Variants in HEPH observed in about 807,000 individuals in gnomAD.
The protein encoded by HEPH is hephaestin.
HEPH carries 69 observed loss-of-function variants against 80.8 expected under a neutral mutation model. The ratio of observed to expected loss-of-function variants is 0.85; its 90% CI spans 0.70 to 1.04. The LOEUF (loss-of-function observed/expected upper bound fraction) is 1.04, where lower values mean the gene tolerates loss of function less well. HEPH is among the 50% of genes least tolerant of loss of function. The pLI is 0.00. For missense variants in HEPH, 1,115 were observed against 891.3 expected, an observed-to-expected ratio of 1.25 and a Z score of -3.20; for synonymous variants, 431 against 322.8, an observed-to-expected ratio of 1.34 and a Z score of -3.60.
intron 19 of HEPH, among the ~76,000 whole-genome samples, chrX:66,262,410 A>T (rs1410125859): frequency 9.0e-6 from 1 of 111,583 alleles, no homozygotes; most frequent in Non-Finnish European, 1.9e-5. Context: ...CTTCTCTCTG[A>T]TGGAGCAAAT....
At chrX:66,194,465 G>A (rs974782420) in intron 8 of HEPH, among the ~76,000 whole-genome samples, 2 of 111,716 alleles carry the variant, frequency 1.8e-5, no homozygotes, top group African/African-American at 3.3e-5. Flanking sequence ...AGTTAGAGCC[G>A]GAATAAGTGC....
At chrX:66,169,705 C>T (rs1481801686) in intron 1 of HEPH, among the ~76,000 whole-genome samples, 1 of 112,129 alleles carries the variant, frequency 8.9e-6, no homozygotes, top group African/African-American at 3.2e-5. Flanking sequence ...GTGTTTATAG[C>T]TCAATGTATT....
chrX:66,190,414 A>G (rs976783730), intron 6 of HEPH, among the ~76,000 whole-genome samples: 6 of 111,409 alleles, frequency 5.4e-5, no homozygotes, highest in Non-Finnish European at 1.1e-4. Context: ...AAAGGGAGAA[A>G]CATTAATGTC....
upstream of HEPH, chrX:66,162,958 T>C (rs960009502): frequency 2.3e-6 from 2 of 874,296 alleles, no homozygotes; most frequent in Admixed American, 3.7e-5. Context: ...CAGTCCTTTT[T>C]AGAGAGGCAT....
At chrX:66,163,144 T>C (rs918248398), upstream of HEPH, among the ~76,000 whole-genome samples, 1 of 111,554 alleles carries the variant, frequency 9.0e-6, no homozygotes, top group African/African-American at 3.3e-5. Flanking sequence ...AAGACCCTCA[T>C]TGTAGAAATA....
Position 66,194,181 on chromosome X carries a change from A to G in HEPH, c.1369+543A>G, listed in dbSNP as rs762384031. On this transcript the variant is annotated intron_variant, in intron 8 of 20. Coordinates refer to ENST00000343002, the MANE Select transcript of HEPH (RefSeq NM_001367233.3). The stretch of plus-strand genomic sequence containing the variant: ...ATGGAACCAGAAAATAAAATAGGCC[A>G]GATGGAAAAAAAACTTTGGAAATTA... Among the ~76,000 whole-genome samples the G allele has an allele frequency of 3.6e-5, 4 of 111,795 alleles. No homozygotes were observed. In the South Asian group the frequency reaches 1.1e-3, roughly 32 times the overall value.
intron 4 of HEPH, among the ~76,000 whole-genome samples, chrX:66,175,048 G>T (rs2086743593): frequency 9.0e-6 from 1 of 111,413 alleles, no homozygotes; most frequent in African/African-American, 3.3e-5. Flanking sequence ...TGTTTTGATT[G>T]CATTTGCCTT....
rs774603036 is a variant in HEPH at position 66,209,977 on chromosome X, A to T, written c.2563+1731A>T. Among the ~76,000 whole-genome samples, 5 of 111,664 alleles carry T rather than the reference A, an allele frequency of 4.5e-5. No homozygotes were observed. The South Asian group carries it at 1.9e-3, about 43-fold the overall frequency. On this transcript the variant is annotated intron_variant, in intron 15 of 20. Coordinates refer to ENST00000343002, the MANE Select transcript of HEPH (RefSeq NM_001367233.3). ...TATGCTCTGAAGGAATAGATGTGGG[A>T]AGCATCAACATCTAGATAGTGGTTA...
intron 15 of HEPH, among the ~76,000 whole-genome samples, chrX:66,249,433 A>T (rs899687484): frequency 1.8e-5 from 2 of 111,783 alleles, no homozygotes; most frequent in Admixed American, 1.9e-4. Context: ...AGTTGAATTC[A>T]GTTGTTGAGA....
intron 17 of HEPH, among the ~76,000 whole-genome samples, chrX:66,258,507 A>G (rs1331739031): frequency 8.9e-6 from 1 of 111,970 alleles, no homozygotes; most frequent in Non-Finnish European, 1.9e-5. Flanking sequence ...AGATGAGTCT[A>G]GGAAGGTGGT....
intron 15 of HEPH, among the ~76,000 whole-genome samples, chrX:66,246,436 C>T (rs1220011008): frequency 9.0e-6 from 1 of 111,383 alleles, no homozygotes; most frequent in East Asian, 2.8e-4. Context: ...AATCTTACTC[C>T]TTCTAGGCAC....
At chrX:66,163,153 T>A (rs776788395), upstream of HEPH, among the ~76,000 whole-genome samples, 2 of 111,248 alleles carry the variant, frequency 1.8e-5, no homozygotes, top group Admixed American at 1.9e-4. Flanking sequence ...ATTGTAGAAA[T>A]AGAAAGAGGC....
intron 4 of HEPH, among the ~76,000 whole-genome samples, chrX:66,179,954 C>CT (rs2087014771): frequency 9.0e-6 from 1 of 111,060 alleles, no homozygotes; most frequent in Admixed American, 9.7e-5. Flanking sequence ...CACCCCTTGA[C>CT]TTTAAGTTTA....
intron 15 of HEPH, among the ~76,000 whole-genome samples, chrX:66,228,046 T>C (rs1312786768): frequency 9.0e-6 from 1 of 111,673 alleles, no homozygotes; most frequent in African/African-American, 3.3e-5. Flanking sequence ...TACCTGAGAC[T>C]GGACAATTTA....
At chrX:66,245,143 T>C (rs2090753802) in intron 15 of HEPH, among the ~76,000 whole-genome samples, 1 of 111,112 alleles carries the variant, frequency 9.0e-6, no homozygotes, top group Non-Finnish European at 1.9e-5. Context: ...TCACCTTAAA[T>C]GTAAATGGGC....
At chrX:66,267,628 G>C (rs1218266249), downstream of HEPH, 1 of 111,559 alleles carries the variant, frequency 9.0e-6, no homozygotes, top group Non-Finnish European at 1.9e-5. Flanking sequence ...AAGAAAATTT[G>C]CCAGAGGGAA....
At chrX:66,236,876 A>G (rs191846692) in intron 15 of HEPH, among the ~76,000 whole-genome samples, 1 of 111,096 alleles carries the variant, frequency 9.0e-6, no homozygotes, top group African/African-American at 3.3e-5. Context: ...AAATTTATCA[A>G]TTTCCTCTAG....
chrX:66,190,030 A>G, intron 6 of HEPH, 92 bp downstream of exon 6: 1 of 931,256 alleles, frequency 1.1e-6, no homozygotes, highest in Non-Finnish European at 1.5e-6. Flanking sequence ...GCCATAAATA[A>G]GTCCTCCAGT....
intron 15 of HEPH, among the ~76,000 whole-genome samples, chrX:66,208,798 C>T (rs1020017387): frequency 9.5e-6 from 1 of 105,535 alleles, no homozygotes; most frequent in African/African-American, 3.4e-5. Flanking sequence ...GCTAATATTC[C>T]TGTTTCAGAT....
Sources: gnomAD v4.1 joint callset for allele counts (sites outside exome capture counted in the v4.1 genomes callset) on GRCh38, gnomAD v4.1.1 for gene constraint, MANE v1.5 for transcripts, NCBI Gene and HGNC (gene_info 2026-07-23, HGNC 2026-07-21) for gene names.